The following MTCL1 variants were observed in gnomAD, a reference collection of about 807,000 sequenced individuals.
MTCL1 encodes microtubule cross-linking factor 1.
Under a neutral mutation model 141.4 loss-of-function variants are expected in MTCL1, and 79 were observed. That is an observed-to-expected ratio of 0.56 (90% CI 0.47 to 0.67). The LOEUF (loss-of-function observed/expected upper bound fraction) is 0.67, where lower values mean the gene tolerates loss of function less well. MTCL1 is among the 30% of genes least tolerant of loss of function. The pLI is 0.00. For missense variants in MTCL1, 2,177 were observed against 2,113.9 expected (o/e 1.03, Z -0.59); for synonymous variants, 914 against 875.8 (o/e 1.04, Z -0.77).
At chr18:8,742,527 C>T (rs924693831) in intron 4 of MTCL1, among the ~76,000 whole-genome samples, 49 of 152,114 alleles carry the variant, frequency 3.2e-4, no homozygotes, top group Non-Finnish European at 4.4e-5. Flanking sequence ...CCTTATAAAA[C>T]CATCAGATCT....
chr18:8,775,468 G>T, intron 4 of MTCL1, among the ~76,000 whole-genome samples: 1 of 151,864 alleles, frequency 6.6e-6, no homozygotes, highest in Non-Finnish European at 1.5e-5. Context: ...AGCTACTGGG[G>T]AGGCTGAGGC....
intron 10 of MTCL1, among the ~76,000 whole-genome samples, chr18:8,799,431 CAAG>C (rs925154413): frequency 2.0e-5 from 3 of 152,186 alleles, no homozygotes; most frequent in African/African-American, 2.4e-5. Flanking sequence ...TAACATGACT[CAAG>C]GAGGAGATGA....
chr18:8,706,171 G>C, exon 1 of MTCL1: 1 of 1,222,416 alleles, frequency 8.2e-7, no homozygotes, highest in Non-Finnish European at 1.0e-6. Flanking sequence ...GGCGCCACCC[G>C]CCCGCACCGT....
rs116419229 is a variant in MTCL1 at position 8,754,893 on chromosome 18, A to G, written c.358-22940A>G. Reference sequence around the variant, plus strand: ...ATAGCTTGCAGGTGGAGTACACCTGAGAGTCTCCAGCTCTGCCCTGACTCC... The same window carrying G: ...ATAGCTTGCAGGTGGAGTACACCTGGGAGTCTCCAGCTCTGCCCTGACTCC... On this transcript the variant is annotated intron_variant, in intron 4 of 16. Coordinates refer to ENST00000359865, the Ensembl canonical transcript of MTCL1. Among the ~76,000 whole-genome samples, 1,353 of 152,258 alleles carry G rather than the reference A, an allele frequency of 8.9e-3. 15 individuals are homozygous for G. The highest frequency in any genetic ancestry group is 0.03 in the African/African-American group (1,263 of 41,546).
chr18:8,733,113 G>T (rs925554167), intron 4 of MTCL1, among the ~76,000 whole-genome samples: 1 of 152,136 alleles, frequency 6.6e-6, no homozygotes, highest in Non-Finnish European at 1.5e-5. Flanking sequence ...TCTCCTGGCA[G>T]GGGGGAGGAA....
chr18:8,823,719 C>T (rs951525764), intron 14 of MTCL1, among the ~76,000 whole-genome samples: 1 of 152,220 alleles, frequency 6.6e-6, no homozygotes, highest in Non-Finnish European at 1.5e-5. Flanking sequence ...TGGTGCTGAC[C>T]ACATGGACGG....
chr18:8,831,171 A>C lies in MTCL1; in HGVS notation c.*19-436A>C, dbSNP rs552897531. The C allele has an allele frequency of 9.7e-5, 96 of 992,290 alleles. 1 individual carries two copies. In the Admixed American group the frequency reaches 1.0e-3, roughly 11 times the overall value. 61.5% of individuals were successfully genotyped at this position (992,290 alleles called of 1,614,324 possible). ...ATCAGAGGTCTCTTTGTGGGCTCCC[A>C]GTAGATCCAGGCCCTGTAGGACCAG... On this transcript the variant is annotated intron_variant, in intron 16 of 16. Coordinates refer to ENST00000359865, the Ensembl canonical transcript of MTCL1.
intron 4 of MTCL1, among the ~76,000 whole-genome samples, chr18:8,742,050 A>AAG (rs2096306598): frequency 6.6e-6 from 1 of 151,698 alleles, no homozygotes; most frequent in Non-Finnish European, 1.5e-5. Context: ...AAAAAAAAAA[A>AAG]GCACTGTGCT....
At chr18:8,751,102 C>G (rs2096368730) in intron 4 of MTCL1, among the ~76,000 whole-genome samples, 1 of 152,186 alleles carries the variant, frequency 6.6e-6, no homozygotes, top group Admixed American at 6.5e-5. Flanking sequence ...GTGCATGACT[C>G]ATGCACACAT....
rs1456591176 is a variant in MTCL1 at position 8,782,370 on chromosome 18, G to C, written c.418-1160G>C. ...AAACTTTTGATGGCCGATCAAAGAG[G>C]AGTGATTCGTGAAATCGGTTATTTT... On this transcript the variant is annotated intron_variant, in intron 5 of 16. Transcript: ENST00000359865. 2.6e-5 allele frequency: 4 copies of C among 152,230 alleles called. No individual in the cohort carries two copies. The East Asian group carries it at 7.7e-4, about 29-fold the overall frequency. The allele number at this position is 152,230 out of a possible 1,614,324, so 9.4% of individuals were successfully genotyped here.
chr18:8,801,046 A>G (rs182588871), intron 10 of MTCL1, among the ~76,000 whole-genome samples: 1 of 152,334 alleles, frequency 6.6e-6, no homozygotes, highest in East Asian at 1.9e-4. Context: ...AGGACTGAGT[A>G]GACTCCACTT....
exon 15 of MTCL1, chr18:8,825,405 C>A: frequency 6.5e-7 from 1 of 1,544,056 alleles, no homozygotes; most frequent in South Asian, 1.3e-5. Flanking sequence ...CTGCTCCGGC[C>A]CTGGCGAGCT....
Position 8,818,973 on chromosome 18 carries a change from A to C in MTCL1, c.2870A>C (p.Glu957Ala), listed in dbSNP as rs375559463. The C allele has an allele frequency of 1.2e-6, 2 of 1,602,794 alleles. No individual in the cohort carries two copies. Among genetic ancestry groups the C allele is most frequent in the African/African-American group, 2.7e-5 (2 of 74,652 alleles). The change falls in exon 13 of 17, where the codon GAG becomes GCG. Residue 957 changes from glutamate to alanine, a missense_variant. Physicochemically the swap from Glu to Ala is moderately radical, Grantham distance 107 (BLOSUM62 -1). Transcript: ENST00000359865. The stretch of plus-strand genomic sequence containing the variant: ...TTTAAAATTCTCAAGTTGCAGAAAG[A>C]GAACAGTCCCCGGAGAGGTGGCAGT...
intron 5 of MTCL1, among the ~76,000 whole-genome samples, chr18:8,780,296 C>T (rs2096528368): frequency 1.3e-5 from 2 of 152,250 alleles, no homozygotes; most frequent in Non-Finnish European, 2.9e-5. Context: ...GCTTCCCGCA[C>T]CATGCAGGCA....
exon 1 of MTCL1, chr18:8,706,184 G>T: frequency 8.2e-7 from 1 of 1,224,300 alleles, no homozygotes; most frequent in Non-Finnish European, 1.0e-6. Context: ...CGCACCGTCG[G>T]CCCCCCGACC....
At chr18:8,791,933 A>G (rs1397891879) in intron 7 of MTCL1, among the ~76,000 whole-genome samples, 2 of 152,146 alleles carry the variant, frequency 1.3e-5, no homozygotes, top group Non-Finnish European at 2.9e-5. Flanking sequence ...TCTTTCCTTA[A>G]TACCCCTTTC....
chr18:8,721,682 A>G (rs549421500), intron 4 of MTCL1, among the ~76,000 whole-genome samples: 2 of 152,226 alleles, frequency 1.3e-5, no homozygotes, highest in South Asian at 4.2e-4. Flanking sequence ...CACCCTGGCC[A>G]GCCCTGTTCA....
At chr18:8,786,356 G>T in intron 7 of MTCL1, 1 of 670,746 alleles carries the variant, frequency 1.5e-6, no homozygotes, top group Non-Finnish European at 2.7e-6. Flanking sequence ...TCCGCAGACC[G>T]GGAGCACCTG....
intron 3 of MTCL1, 63 bp downstream of exon 2, chr18:8,718,711 G>A (rs905059217): frequency 2.8e-5 from 42 of 1,478,832 alleles, no homozygotes; most frequent in Non-Finnish European, 3.8e-5. Flanking sequence ...CCACATGCAC[G>A]TTGCCCTGGT....
Sources: allele counts gnomAD v4.1 joint callset (sites outside exome capture counted in the v4.1 genomes callset), GRCh38; gene constraint gnomAD v4.1.1; transcripts MANE v1.5; gene names NCBI Gene and HGNC (gene_info 2026-07-23, HGNC 2026-07-21).